The following TMEM71 variants were observed in gnomAD, a reference collection of about 807,000 sequenced individuals.
TMEM71 encodes the protein transmembrane protein 71.
In TMEM71, 44 loss-of-function variants were observed where a neutral mutation model predicts 38.0. The observed-to-expected ratio is 1.16, with a 90% CI of 0.91 to 1.49. The LOEUF (loss-of-function observed/expected upper bound fraction) is 1.49. Among genes scored for constraint, TMEM71 ranks in the 40% most tolerant of loss-of-function variants. The probability of loss-of-function intolerance (pLI) is 0.00; values close to 1 mark genes in which losing one functional copy is unlikely to be tolerated. For synonymous variants in TMEM71, 133 were observed against 122.5 expected (o/e 1.09, Z -0.56); for missense variants, 367 against 348.6 (o/e 1.05, Z -0.42).
chr8:132,745,555 G>A (rs1291943480), intron 5 of TMEM71, among the ~76,000 whole-genome samples: 1 of 152,164 alleles, frequency 6.6e-6, no homozygotes, highest in Non-Finnish European at 1.5e-5. Flanking sequence ...AGAGAAAAGG[G>A]AATGCTTATA....
intron 7 of TMEM71, among the ~76,000 whole-genome samples, chr8:132,716,385 A>G (rs1826534932): frequency 6.6e-6 from 1 of 152,202 alleles, no homozygotes; most frequent in African/African-American, 2.4e-5. Context: ...CAGTGAAGAG[A>G]TGGAGATCTA....
chr8:132,715,388 C>T (rs559292633), intron 7 of TMEM71, among the ~76,000 whole-genome samples: 5 of 111,780 alleles, frequency 4.5e-5, no homozygotes, highest in South Asian at 2.8e-4. Context: ...CCAGCCTGGG[C>T]GACAGAGCAA....
At position 132,751,824 on chromosome 8, in the gene TMEM71, G is replaced by T; in HGVS notation, c.275C>A (p.Pro92Gln). Residue 92 changes from proline to glutamine, a missense_variant, in exon 4 of 10, where the codon CCA becomes CAA. By Grantham distance (76) the Pro-to-Gln change is moderately conservative. Coordinates refer to ENST00000677595, the MANE Select transcript of TMEM71 (RefSeq NM_001382403.1). ...CTTATACATAACGCTGGTCTGGGAT[G>T]GGTTCAGAGTTATGTTGCCATCTTT... ...CDKDGNITLN[P>Q]SQTSVMYKEN... 1 of 1,613,838 alleles carries T rather than the reference G, an allele frequency of 6.2e-7. No individual in the cohort carries two copies. The highest frequency in any genetic ancestry group is 1.7e-5 in the Admixed American group (1 of 60,026).
intron 5 of TMEM71, among the ~76,000 whole-genome samples, chr8:132,733,067 A>G (rs1470816593): frequency 6.6e-6 from 1 of 152,036 alleles, no homozygotes; most frequent in African/African-American, 2.4e-5. Flanking sequence ...TAGTCAAAAC[A>G]CTCTGTTCTC....
chr8:132,730,747 C>A (rs1827409589), intron 5 of TMEM71, among the ~76,000 whole-genome samples: 1 of 152,112 alleles, frequency 6.6e-6, no homozygotes, highest in Non-Finnish European at 1.5e-5. Context: ...GCCTTGATTT[C>A]ATGACTAAGG....
chr8:132,765,234 A>G (rs1829350070), upstream of TMEM71, among the ~76,000 whole-genome samples: 1 of 152,140 alleles, frequency 6.6e-6, no homozygotes, highest in Non-Finnish European at 1.5e-5. Flanking sequence ...CGAGATTTGG[A>G]AGATGAAAGT....
chr8:132,735,572 G>T (rs1827702798), intron 5 of TMEM71, among the ~76,000 whole-genome samples: 1 of 152,198 alleles, frequency 6.6e-6, no homozygotes, highest in South Asian at 2.1e-4. Flanking sequence ...ACTGATTTTG[G>T]ATGGAGGTAG....
chr8:132,748,441 C>T (rs1406978135), intron 4 of TMEM71, among the ~76,000 whole-genome samples: 1 of 152,168 alleles, frequency 6.6e-6, no homozygotes, highest in African/African-American at 2.4e-5. Flanking sequence ...CAGTTGCCCA[C>T]AACAAATAAT....
At chr8:132,707,054 A>T (rs1482907910), downstream of TMEM71, among the ~76,000 whole-genome samples, 1 of 152,206 alleles carries the variant, frequency 6.6e-6, no homozygotes, top group African/African-American at 2.4e-5. Context: ...GATCAGCAAA[A>T]TTCCAATGGA....
chr8:132,769,912 G>A, the TMEM71 span, among the ~76,000 whole-genome samples: 2 of 152,256 alleles, frequency 1.3e-5, no homozygotes, highest in East Asian at 1.9e-4. Context: ...ATGCATGTAT[G>A]TTGTCTGCCA....
chr8:132,762,279 G>A (rs1287748935), upstream of TMEM71, among the ~76,000 whole-genome samples: 1 of 152,156 alleles, frequency 6.6e-6, no homozygotes, highest in African/African-American at 2.4e-5. Flanking sequence ...CAGCTGTCTG[G>A]TATTCTCTTT....
At chr8:132,752,066 C>T (rs1828746523) in intron 3 of TMEM71, 69 bp from the exon 4 acceptor site, 8 of 1,304,274 alleles carry the variant, frequency 6.1e-6, no homozygotes, top group South Asian at 4.9e-5. Context: ...AACCATGTCT[C>T]ATCACTGTGA....
intron 5 of TMEM71, among the ~76,000 whole-genome samples, chr8:132,732,870 A>G (rs1827537254): frequency 6.6e-6 from 1 of 152,208 alleles, no homozygotes; most frequent in South Asian, 2.1e-4. Flanking sequence ...CCAACAGTGC[A>G]CAGGGCAGGT....
chr8:132,714,216 C>G lies in TMEM71; in HGVS notation c.753-1G>C, dbSNP rs757149034. 1.9e-6 allele frequency: 3 copies of G among 1,609,710 alleles called. No homozygotes were observed. The highest frequency in any genetic ancestry group is 2.5e-6 in the Non-Finnish European group (3 of 1,177,554). On this transcript the variant is annotated splice_acceptor_variant, in intron 7 of 9. Coordinates refer to ENST00000677595, the MANE Select transcript of TMEM71 (RefSeq NM_001382403.1). LOFTEE classifies it high-confidence loss of function. ...GGCTAATATTTCTCCCATAAACCATCTGAAACAACAAGATTGCTCTGATTT... is the reference window on the plus strand; with the variant it reads ...GGCTAATATTTCTCCCATAAACCATGTGAAACAACAAGATTGCTCTGATTT...
chr8:132,713,696 T>C (rs946120189), intron 9 of TMEM71, among the ~76,000 whole-genome samples: 2 of 152,216 alleles, frequency 1.3e-5, no homozygotes, highest in African/African-American at 4.8e-5. Context: ...TTTCTTCAGA[T>C]GAGGTATTTA....
intron 5 of TMEM71, among the ~76,000 whole-genome samples, chr8:132,732,329 A>T (rs935927401): frequency 5.3e-5 from 8 of 152,136 alleles, no homozygotes; most frequent in Admixed American, 3.3e-4. Flanking sequence ...CAGCAGGAAG[A>T]GGACAGGCCA....
intron 5 of TMEM71, among the ~76,000 whole-genome samples, chr8:132,745,046 T>C (rs752782336): frequency 2.6e-5 from 4 of 152,176 alleles, no homozygotes; most frequent in African/African-American, 4.8e-5. Context: ...GATTTCAATG[T>C]AAGACCTCCC....
intron 5 of TMEM71, among the ~76,000 whole-genome samples, chr8:132,730,035 A>G (rs1827365454): frequency 6.6e-6 from 1 of 151,606 alleles, no homozygotes; most frequent in African/African-American, 2.4e-5. Flanking sequence ...CTCAGCTCAC[A>G]GCAACTTCCA....
intron 4 of TMEM71, among the ~76,000 whole-genome samples, chr8:132,751,181 C>T (rs1490159598): frequency 1.3e-5 from 2 of 152,162 alleles, no homozygotes; most frequent in African/African-American, 4.8e-5. Context: ...TCATCCAGCC[C>T]CTGCTCCCAT....
Sources: allele counts gnomAD v4.1 joint callset (sites outside exome capture counted in the v4.1 genomes callset), GRCh38; gene constraint gnomAD v4.1.1; transcripts MANE v1.5; gene names NCBI Gene and HGNC (gene_info 2026-07-23, HGNC 2026-07-21).